The following CNTN5 variants were observed in gnomAD, a reference collection of about 807,000 sequenced individuals.
CNTN5 encodes contactin 5, also known as contactin-5.
CNTN5 carries 77 observed loss-of-function variants against 129.1 expected under a neutral mutation model. The ratio of observed to expected loss-of-function variants is 0.60; its 90% CI spans 0.50 to 0.72. The LOEUF (loss-of-function observed/expected upper bound fraction) is 0.72, where lower values mean the gene tolerates loss of function less well. CNTN5 is among the 30% of genes least tolerant of loss of function. The pLI is 0.00. For missense variants in CNTN5, 1,478 were observed against 1,328.8 expected (o/e 1.11, Z -1.75); for synonymous variants, 509 against 465.6 (o/e 1.09, Z -1.20).
intron 9 of CNTN5, among the ~76,000 whole-genome samples, chr11:100,026,863 TA>T (rs1941448357): frequency 6.6e-6 from 1 of 152,152 alleles, no homozygotes. Context: ...TTACGAAGCA[TA>T]AAATTTTAAT....
At chr11:99,544,087 G>A (rs930630410) in intron 2 of CNTN5, among the ~76,000 whole-genome samples, 1 of 152,110 alleles carries the variant, frequency 6.6e-6, no homozygotes, top group Non-Finnish European at 1.5e-5. Flanking sequence ...TCACAGTTAT[G>A]CAGGCTGTAT....
At chr11:100,294,676 G>A (rs973804175) in intron 18 of CNTN5, among the ~76,000 whole-genome samples, 6 of 151,530 alleles carry the variant, frequency 4.0e-5, no homozygotes, top group East Asian at 1.9e-4. Context: ...AAGTAAATAT[G>A]TATTTCTCTG....
At position 99,051,940 on chromosome 11, in the gene CNTN5, G is replaced by T. The variant is rs563858595; in HGVS notation, c.-210+30670G>T. ...GTGTTAGAGAAGCATAATGGGAATA[G>T]TTAGCTCTGACTATTCTTAAAGGAT... is the stretch of plus-strand genomic sequence containing the variant. On this transcript the variant is annotated intron_variant, in intron 1 of 24. Transcript: ENST00000524871. Among the ~76,000 whole-genome samples, 24 of 151,990 alleles carry T rather than the reference G, an allele frequency of 1.6e-4. 1 individual carries two copies. In the Middle Eastern group the frequency reaches 0.014, roughly 86 times the overall value.
chr11:99,457,450 AT>A (rs1404274023), intron 2 of CNTN5, among the ~76,000 whole-genome samples: 1 of 151,844 alleles, frequency 6.6e-6, no homozygotes, highest in Non-Finnish European at 1.5e-5. Flanking sequence ...AAGAAATAGG[AT>A]TTGATGTGTC....
At chr11:99,099,939 A>G (rs1866644439) in intron 1 of CNTN5, among the ~76,000 whole-genome samples, 1 of 152,176 alleles carries the variant, frequency 6.6e-6, no homozygotes, top group South Asian at 2.1e-4. Context: ...AGAAAAATAG[A>G]TATCAAATTT....
intron 2 of CNTN5, among the ~76,000 whole-genome samples, chr11:99,424,757 C>T (rs1943046727): frequency 6.6e-6 from 1 of 152,238 alleles, no homozygotes; most frequent in South Asian, 2.1e-4. Context: ...TCATCGCCCA[C>T]AACATGGTAA....
chr11:99,475,623 G>A (rs1945340496), intron 2 of CNTN5, among the ~76,000 whole-genome samples: 1 of 151,846 alleles, frequency 6.6e-6, no homozygotes, highest in African/African-American at 2.4e-5. Flanking sequence ...TTTTGATTAT[G>A]CCATAAACCT....
At chr11:99,048,194 G>T (rs918628517) in intron 1 of CNTN5, among the ~76,000 whole-genome samples, 6 of 152,044 alleles carry the variant, frequency 3.9e-5, no homozygotes, top group African/African-American at 1.4e-4. Flanking sequence ...ATCAGACTGT[G>T]ACATCAGCTT....
At chr11:99,141,287 A>T in intron 1 of CNTN5, among the ~76,000 whole-genome samples, 1 of 151,946 alleles carries the variant, frequency 6.6e-6, no homozygotes, top group Non-Finnish European at 1.5e-5. Flanking sequence ...GTGCATTGAA[A>T]TGTTTGTAAT....
chr11:100,286,680 ACT>A (rs1950802468), intron 18 of CNTN5, among the ~76,000 whole-genome samples: 1 of 150,110 alleles, frequency 6.7e-6, no homozygotes, highest in Non-Finnish European at 1.5e-5. Flanking sequence ...AAAACTGGAA[ACT>A]CTAAAAAGCA....
chr11:99,698,106 A>G (rs1954353117), intron 3 of CNTN5, among the ~76,000 whole-genome samples: 3 of 149,666 alleles, frequency 2.0e-5, no homozygotes, highest in African/African-American at 7.3e-5. Flanking sequence ...TTTACTACGT[A>G]TTTCCTATCC....
chr11:99,590,401 A>C (rs1949941503), intron 3 of CNTN5, among the ~76,000 whole-genome samples: 1 of 152,194 alleles, frequency 6.6e-6, no homozygotes, highest in Admixed American at 6.5e-5. Flanking sequence ...ACTTTGTGCA[A>C]TCACTAAGCC....
chr11:99,698,792 G>A (rs920350496), intron 3 of CNTN5, among the ~76,000 whole-genome samples: 3 of 150,742 alleles, frequency 2.0e-5, no homozygotes, highest in Admixed American at 6.6e-5. Flanking sequence ...ACTGATTCTT[G>A]TAATACTATA....
intron 13 of CNTN5, among the ~76,000 whole-genome samples, chr11:100,090,302 C>T (rs1194307581): frequency 6.6e-6 from 1 of 152,000 alleles, no homozygotes. Flanking sequence ...GACAAGGATG[C>T]CCAATATCAG....
intron 3 of CNTN5, among the ~76,000 whole-genome samples, chr11:99,586,605 A>AG (rs1458741943): frequency 6.6e-6 from 1 of 152,210 alleles, no homozygotes; most frequent in African/African-American, 2.4e-5. Context: ...AGTAAATTAA[A>AG]GCCAGTTATT....
chr11:99,376,782 C>A (rs1308853725), intron 2 of CNTN5, among the ~76,000 whole-genome samples: 1 of 152,140 alleles, frequency 6.6e-6, no homozygotes, highest in African/African-American at 2.4e-5. Context: ...AAAATAGCAC[C>A]TGGAATATGG....
chr11:99,578,823 C>G (rs1052204017), intron 3 of CNTN5, among the ~76,000 whole-genome samples: 14 of 152,268 alleles, frequency 9.2e-5, no homozygotes, highest in African/African-American at 3.4e-4. Flanking sequence ...TGCAGAAGCT[C>G]TTTAGTTTAA....
intron 9 of CNTN5, among the ~76,000 whole-genome samples, chr11:100,014,393 C>A (rs1377006477): frequency 2.0e-5 from 3 of 152,090 alleles, no homozygotes; most frequent in South Asian, 2.1e-4. Flanking sequence ...AAACATAGTT[C>A]AAATCTATTA....
chr11:99,138,212 G>C (rs1430016781), intron 1 of CNTN5, among the ~76,000 whole-genome samples: 1 of 151,946 alleles, frequency 6.6e-6, no homozygotes, highest in East Asian at 1.9e-4. Flanking sequence ...CAACATGATA[G>C]GTGTTAGGTG....
Sources: allele counts gnomAD v4.1 joint callset (sites outside exome capture counted in the v4.1 genomes callset), GRCh38; gene constraint gnomAD v4.1.1; transcripts MANE v1.5; gene names NCBI Gene and HGNC (gene_info 2026-07-23, HGNC 2026-07-21).